The following IGSF10 variants were observed in gnomAD, a reference collection of about 807,000 sequenced individuals.
IGSF10 encodes the protein immunoglobulin superfamily member 10, also known as calvaria mechanical force protein 608.
In IGSF10, 126 loss-of-function variants were observed where a neutral mutation model predicts 128.2. That is an observed-to-expected ratio of 0.98 (90% CI 0.85 to 1.14). The LOEUF is 1.14. Among genes scored for constraint, IGSF10 ranks in the 50% most tolerant of loss-of-function variants. The pLI, the probability that IGSF10 is intolerant of heterozygous loss-of-function variation, is 0.00. For synonymous variants in IGSF10, 1,185 were observed against 1,146.2 expected, an observed-to-expected ratio of 1.03 and a Z score of -0.68; for missense variants, 3,295 against 3,149.8, an observed-to-expected ratio of 1.05 and a Z score of -1.10.
the IGSF10 span, among the ~76,000 whole-genome samples, chr3:151,528,577 T>C: frequency 1.3e-5 from 2 of 152,170 alleles, no homozygotes; most frequent in Non-Finnish European, 2.9e-5. Flanking sequence ...GGTGGGGTGT[T>C]ACCTCACCTG....
At chr3:151,432,923 A>T, downstream of IGSF10, 1 of 710,536 alleles carries the variant, frequency 1.4e-6, no homozygotes, top group Non-Finnish European at 2.2e-6. Context: ...ATTTTACTAT[A>T]TTTTATGCTA....
chr3:151,488,257 C>T, the IGSF10 span, among the ~76,000 whole-genome samples: 2 of 152,054 alleles, frequency 1.3e-5, no homozygotes, highest in Admixed American at 6.6e-5. Flanking sequence ...AGGAATACAA[C>T]TTACAAGGAA....
the IGSF10 span, among the ~76,000 whole-genome samples, chr3:151,570,960 C>T: frequency 6.6e-6 from 1 of 152,158 alleles, no homozygotes; most frequent in Non-Finnish European, 1.5e-5. Context: ...TATGGCTAGC[C>T]AGTTTTCCCA....
chr3:151,550,135 T>G, the IGSF10 span, among the ~76,000 whole-genome samples: 85 of 152,298 alleles, frequency 5.6e-4, 3 homozygotes, highest in South Asian at 0.018. Context: ...TAATAATTTG[T>G]CTTATATTTT....
At chr3:151,458,252 CCAGA>C (rs1404672329) in intron 3 of IGSF10, among the ~76,000 whole-genome samples, 2 of 151,840 alleles carry the variant, frequency 1.3e-5, no homozygotes, top group Non-Finnish European at 2.9e-5. Flanking sequence ...AAAAATGTAG[CCAGA>C]AAGAAGCTTT....
the IGSF10 span, among the ~76,000 whole-genome samples, chr3:151,558,962 C>T: frequency 6.6e-6 from 1 of 151,920 alleles, no homozygotes; most frequent in African/African-American, 2.4e-5. Flanking sequence ...CCAAAGTTGG[C>T]CAAGCTTCAT....
At chr3:151,546,922 C>A in the IGSF10 span, among the ~76,000 whole-genome samples, 1 of 152,062 alleles carries the variant, frequency 6.6e-6, no homozygotes, top group East Asian at 1.9e-4. Flanking sequence ...AGGCAACTGC[C>A]ACCACGCCCG....
At chr3:151,559,794 T>C in the IGSF10 span, among the ~76,000 whole-genome samples, 8 of 152,276 alleles carry the variant, frequency 5.3e-5, no homozygotes, top group East Asian at 1.5e-3. Flanking sequence ...ATAGGTTCGA[T>C]GAATTGTTAT....
the IGSF10 span, among the ~76,000 whole-genome samples, chr3:151,495,046 A>ACCATGTGGTGCCATGTGGTGTG: frequency 6.6e-6 from 1 of 152,168 alleles, no homozygotes; most frequent in Non-Finnish European, 1.5e-5. Flanking sequence ...CTGGTTGTAC[A>ACCATGTGGTGCCATGTGGTGTG]TACTACCATG....
chr3:151,579,875 A>AAAGG, the IGSF10 span, among the ~76,000 whole-genome samples: 5,905 of 121,806 alleles, frequency 0.048, 272 homozygotes, highest in African/African-American at 0.12. Context: ...GGGAGGAAGG[A>AAAGG]AAGGAAGGAA....
chr3:151,515,632 A>T, the IGSF10 span, among the ~76,000 whole-genome samples: 1 of 151,572 alleles, frequency 6.6e-6, no homozygotes, highest in African/African-American at 2.4e-5. Flanking sequence ...AAAAAATAAA[A>T]GTGCTGCATT....
chr3:151,557,716 A>C, the IGSF10 span, among the ~76,000 whole-genome samples: 4 of 151,768 alleles, frequency 2.6e-5, no homozygotes, highest in Non-Finnish European at 5.9e-5. Context: ...TTCTGCTTCT[A>C]ATACAAGAAG....
chr3:151,437,743 C>A lies in IGSF10; in HGVS notation c.6818G>T (p.Trp2273Leu). 1.9e-6 allele frequency: 3 copies of A among 1,613,968 alleles called. No homozygotes were observed. The South Asian group carries it at 3.3e-5, about 18-fold the overall frequency. Residue 2273 changes from tryptophan to leucine, a missense_variant, in exon 8 of 8, where the codon TGG (tryptophan) becomes TTG (leucine). Trp to Leu is a moderately conservative substitution (Grantham distance 61). Transcript: ENST00000282466. ...GAGGAAAATATTGTCTGGCATGATCCACATGACTTCAGGAGATGGTGTCCC... is the reference window on the plus strand; with the variant it reads ...GAGGAAAATATTGTCTGGCATGATCAACATGACTTCAGGAGATGGTGTCCC... ...AEGTPSPEVM[W>L]IMPDNIFLTA... is the part of the protein sequence containing the mutation.
At chr3:151,462,655 G>T (rs931329742), upstream of IGSF10, among the ~76,000 whole-genome samples, 2 of 152,204 alleles carry the variant, frequency 1.3e-5, no homozygotes, top group South Asian at 2.1e-4. Context: ...TAACCATAAA[G>T]TTGTGGCTGC....
At chr3:151,550,193 C>T in the IGSF10 span, among the ~76,000 whole-genome samples, 1 of 152,140 alleles carries the variant, frequency 6.6e-6, no homozygotes, top group East Asian at 1.9e-4. Flanking sequence ...GAATTGTACA[C>T]AATTTCACAA....
chr3:151,453,678 T>C lies in IGSF10; in HGVS notation c.421A>G (p.Ile141Val), dbSNP rs1721630411. Residue 141 changes from isoleucine (I) to valine (V), a missense_variant, in exon 5 of 8, where the codon ATT becomes GTT. By Grantham distance (29) the Ile-to-Val change is conservative. Transcript: ENST00000282466. The stretch of plus-strand genomic sequence containing the variant: ...AAAACCTCTGGGTTTATAAACTCAA[T>C]ATTGTTGTGGTCCATGTGCAATCGT... ...LTRLHMDHNN[I>V]EFINPEVFYG... is the part of the protein sequence containing the mutation. The C allele has an allele frequency of 1.9e-6, 3 of 1,613,274 alleles. No homozygotes were observed. Among genetic ancestry groups the C allele is most frequent in the African/African-American group, 2.7e-5 (2 of 74,902 alleles).
chr3:151,490,990 C>A, the IGSF10 span, among the ~76,000 whole-genome samples: 2 of 151,422 alleles, frequency 1.3e-5, no homozygotes, highest in Non-Finnish European at 2.9e-5. Flanking sequence ...CCAAAATTAG[C>A]GGAAGGAAGG....
At chr3:151,461,277 C>G, upstream of IGSF10, 1 of 985,360 alleles carries the variant, frequency 1.0e-6, no homozygotes, top group Non-Finnish European at 1.2e-6. Context: ...GTTTCAGTGG[C>G]CGCCCGTTCA....
the IGSF10 span, among the ~76,000 whole-genome samples, chr3:151,539,941 T>A: frequency 6.6e-6 from 1 of 152,160 alleles, no homozygotes; most frequent in Non-Finnish European, 1.5e-5. Context: ...GAATTTGTAG[T>A]GAGAGGCTTC....
Sources: allele counts gnomAD v4.1 joint callset (sites outside exome capture counted in the v4.1 genomes callset), GRCh38; gene constraint gnomAD v4.1.1; transcripts MANE v1.5; gene names NCBI Gene and HGNC (gene_info 2026-07-23, HGNC 2026-07-21).